Variants in VSTM2A observed in about 807,000 individuals in gnomAD.
VSTM2A encodes the protein V-set and transmembrane domain-containing protein 2A.
A neutral mutation model predicts 27.3 loss-of-function variants in VSTM2A; 13 were observed. The ratio of observed to expected loss-of-function variants is 0.48; its 90% CI spans 0.31 to 0.76. The LOEUF (loss-of-function observed/expected upper bound fraction) is 0.76, where lower values mean the gene tolerates loss of function less well. Among genes scored for constraint, VSTM2A ranks in the 30% least tolerant of loss-of-function variants. The pLI is 0.05. For missense variants in VSTM2A, 280 were observed against 310.0 expected (o/e 0.90, Z 0.73); for synonymous variants, 142 against 125.7 (o/e 1.13, Z -0.87).
At chr7:54,543,284 G>A (rs915565134) in intron 1 of VSTM2A, among the ~76,000 whole-genome samples, 1 of 152,086 alleles carries the variant, frequency 6.6e-6, no homozygotes, top group Non-Finnish European at 1.5e-5. Context: ...ACTCCTCTGA[G>A]GACCCATAAA....
intron 4 of VSTM2A, chr7:54,559,412 A>T (rs1788478256): frequency 6.6e-6 from 1 of 152,098 alleles, no homozygotes; most frequent in Non-Finnish European, 1.5e-5. Context: ...TATAGATTTG[A>T]TGCAGTCCCA....
chr7:54,546,510 C>CG (rs1203076044), intron 2 of VSTM2A, among the ~76,000 whole-genome samples: 1 of 151,424 alleles, frequency 6.6e-6, no homozygotes, highest in Non-Finnish European at 1.5e-5. Context: ...CCTTCACTCA[C>CG]GCCGGCCGCC....
At position 54,569,613 on chromosome 7, in the gene VSTM2A, T is replaced by G. The variant is rs1293424504; in HGVS notation, c.*394T>G. 6.0e-6 allele frequency: 1 copy of G among 166,576 alleles called. No homozygotes were observed. Among genetic ancestry groups the G allele is most frequent in the Admixed American group, 6.1e-5 (1 of 16,336 alleles). The allele number at this position is 166,576 out of a possible 1,614,324, so 10.3% of individuals were successfully genotyped here. ...TGCAAGTCAACAAGGAGGACATTAC[T>G]TTAAGGAATAACATGAGAAAGAAAT... On this transcript the variant is annotated 3_prime_UTR_variant, in exon 5 of 5. Transcript: ENST00000402613.
Position 54,553,863 on chromosome 7 carries a change from C to G in VSTM2A, c.634+3693C>G, listed in dbSNP as rs778686046. On this transcript the variant is annotated intron_variant, in intron 4 of 4. Transcript: ENST00000402613. ...CTCTACTTGTTTCTTCCTGTCTCAT[C>G]CAGTGTCTCCAATCCTTCCAGAAGT... 7.9e-5 allele frequency: 123 copies of G among 1,551,104 alleles called. 1 individual carries two copies. Among genetic ancestry groups the G allele is most frequent in the Non-Finnish European group, 1.0e-4 (119 of 1,147,136 alleles).
chr7:54,557,540 G>C (rs941439200), intron 4 of VSTM2A, among the ~76,000 whole-genome samples: 6 of 151,868 alleles, frequency 4.0e-5, no homozygotes, highest in Non-Finnish European at 8.8e-5. Context: ...CACCATGTTG[G>C]CCAGGCTGGT....
chr7:54,550,891 G>A (rs887744089), intron 4 of VSTM2A: 4 of 152,278 alleles, frequency 2.6e-5, no homozygotes, highest in Admixed American at 1.3e-4. Context: ...TAAAGGCTTC[G>A]TGGAATGAGC....
chr7:54,544,301 C>G (rs747612006), intron 1 of VSTM2A, among the ~76,000 whole-genome samples: 17 of 152,218 alleles, frequency 1.1e-4, no homozygotes, highest in Non-Finnish European at 1.6e-4. Context: ...CTGACTCTCT[C>G]AGTAAATGTT....
At chr7:54,566,364 A>T (rs1421823819) in intron 4 of VSTM2A, among the ~76,000 whole-genome samples, 1 of 152,208 alleles carries the variant, frequency 6.6e-6, no homozygotes, top group African/African-American at 2.4e-5. Flanking sequence ...CTTGCAAAAA[A>T]TTTTACTCCT....
chr7:54,554,061 C>T (rs1326320739), intron 4 of VSTM2A: 2 of 1,552,220 alleles, frequency 1.3e-6, no homozygotes, highest in Non-Finnish European at 1.7e-6. Context: ...GAGCTGCGTG[C>T]TGGCTCCTCC....
chr7:54,563,615 A>G (rs1788628819), intron 4 of VSTM2A, among the ~76,000 whole-genome samples: 1 of 152,156 alleles, frequency 6.6e-6, no homozygotes, highest in Non-Finnish European at 1.5e-5. Flanking sequence ...TCTAAGCAAC[A>G]AGAGAGAACA....
At chr7:54,553,147 G>A (rs1303164844) in intron 4 of VSTM2A, among the ~76,000 whole-genome samples, 1 of 152,194 alleles carries the variant, frequency 6.6e-6, no homozygotes, top group Non-Finnish European at 1.5e-5. Context: ...AAAGCTAACT[G>A]TTATTTAATA....
At chr7:54,553,862 T>C (rs966772042) in intron 4 of VSTM2A, 2 of 1,551,096 alleles carry the variant, frequency 1.3e-6, no homozygotes, top group African/African-American at 2.7e-5. Flanking sequence ...TCCTGTCTCA[T>C]CCAGTGTCTC....
intron 4 of VSTM2A, chr7:54,554,013 C>T: frequency 6.4e-7 from 1 of 1,553,354 alleles, no homozygotes; most frequent in South Asian, 1.2e-5. Flanking sequence ...TCCTGCTCCT[C>T]TTCCCCAACC....
At chr7:54,546,878 T>C in intron 2 of VSTM2A, 69 bp from the exon 3 acceptor site, 1 of 1,587,936 alleles carries the variant, frequency 6.3e-7, no homozygotes, top group Non-Finnish European at 8.5e-7. Flanking sequence ...CCGCGAAGGC[T>C]ATGCTCGCGT....
intron 4 of VSTM2A, among the ~76,000 whole-genome samples, chr7:54,554,793 A>G (rs759737433): frequency 2.6e-5 from 4 of 152,288 alleles, no homozygotes; most frequent in Non-Finnish European, 5.9e-5. Flanking sequence ...TCCTCCAGCC[A>G]CAGCTCCAGT....
intron 2 of VSTM2A, among the ~76,000 whole-genome samples, chr7:54,545,065 T>A (rs527287772): frequency 8.5e-5 from 13 of 152,270 alleles, no homozygotes; most frequent in Non-Finnish European, 1.6e-4. Flanking sequence ...GATGCCCGCC[T>A]TGCCCCTACC....
At chr7:54,559,385 G>A (rs1476351036) in intron 4 of VSTM2A, 1 of 151,942 alleles carries the variant, frequency 6.6e-6, no homozygotes. Flanking sequence ...AAATCTGTCA[G>A]GTTTTTCAGA....
rs1338918680 is a variant in VSTM2A, at chr7:54,542,725, T to C, written c.-6T>C. On this transcript the variant is annotated 5_prime_UTR_variant, in exon 1 of 5. Coordinates refer to ENST00000402613, the MANE Select transcript of VSTM2A (RefSeq NM_001301009.2). ...TACACTGATGTGACCCCCCTCCCTT[T>C]TTGGAATGATGGGGATCTTTTTGGT... is the stretch of plus-strand genomic sequence containing the variant. 3 of 1,613,428 alleles carry C rather than the reference T, an allele frequency of 1.9e-6. No homozygotes were observed. Among genetic ancestry groups the C allele is most frequent in the Admixed American group, 1.7e-5 (1 of 59,986 alleles).
chr7:54,550,520 T>C (rs1788156806), intron 4 of VSTM2A: 10 of 401,326 alleles, frequency 2.5e-5, no homozygotes, highest in Non-Finnish European at 4.3e-5. Context: ...TATGTATCGA[T>C]AATGACCCAA....
Sources: gnomAD v4.1 joint callset for allele counts (sites outside exome capture counted in the v4.1 genomes callset) on GRCh38, gnomAD v4.1.1 for gene constraint, MANE v1.5 for transcripts, NCBI Gene and HGNC (gene_info 2026-07-23, HGNC 2026-07-21) for gene names.